Variants in RAD54L observed in about 807,000 individuals in gnomAD.
RAD54L encodes the protein RAD54 like, also known as DNA repair and recombination protein RAD54-like.
A neutral mutation model predicts 91.6 loss-of-function variants in RAD54L; 74 were observed. That is an observed-to-expected ratio of 0.81 (90% CI 0.67 to 0.98). The LOEUF (loss-of-function observed/expected upper bound fraction) is 0.98, where lower values mean the gene tolerates loss of function less well. Ranked by LOEUF, RAD54L falls within the 50% of genes least tolerant of loss-of-function variation. RAD54L has a pLI of 0.00. For synonymous variants in RAD54L, 304 were observed against 349.7 expected, an observed-to-expected ratio of 0.87 and a Z score of 1.46; for missense variants, 887 against 945.7, an observed-to-expected ratio of 0.94 and a Z score of 0.81.
chr1:46,251,513 G>A (rs928651469), intron 3 of RAD54L, among the ~76,000 whole-genome samples: 15 of 151,896 alleles, frequency 9.9e-5, no homozygotes, highest in African/African-American at 3.6e-4. Context: ...GATAGTTTTA[G>A]CATACATATA....
intron 3 of RAD54L, 140 bp downstream of exon 3, chr1:46,250,259 C>G: frequency 8.3e-7 from 1 of 1,199,904 alleles, no homozygotes; most frequent in Non-Finnish European, 1.2e-6. Context: ...GACCTGCCCA[C>G]AGCTGCTGGG....
Position 46,261,195 on chromosome 1 carries a change from G to GTTTTTT in RAD54L, c.767-63_767-58dup, listed in dbSNP as rs1277499745. On this transcript the variant is annotated intron_variant, in intron 7 of 17. Transcript: ENST00000371975. ...GGCTAAATTAAAGAACTGTCTAATT[G>GTTTTTT]TTTTTTTTGTTTTTTTTTTTTTCAA... is the stretch of plus-strand genomic sequence containing the variant. 3.2e-5 allele frequency: 50 copies of GTTTTTT among 1,555,024 alleles called. No homozygotes were observed. The South Asian group carries it at 4.1e-4, about 13-fold the overall frequency.
intron 3 of RAD54L, among the ~76,000 whole-genome samples, chr1:46,253,259 C>T (rs1659849506): frequency 6.6e-6 from 1 of 152,198 alleles, no homozygotes; most frequent in Non-Finnish European, 1.5e-5. Context: ...AGTGCTGAAA[C>T]TTGTTCACTG....
chr1:46,256,487 T>A lies in RAD54L; in HGVS notation c.211-2199T>A, dbSNP rs144279462. On this transcript the variant is annotated intron_variant, in intron 3 of 17. Coordinates refer to ENST00000371975, the MANE Select transcript of RAD54L (RefSeq NM_003579.4). ...TGGGCATAATGGCTCATGCCTATAA[T>A]CCCAGCACTTTGGGAGGCCAAGGTG... Among the ~76,000 whole-genome samples the A allele has an allele frequency of 8.0e-3, 1,215 of 152,230 alleles. 13 individuals are homozygous for A. Among genetic ancestry groups the A allele is most frequent in the South Asian group, 0.02 (95 of 4,826 alleles).
At chr1:46,251,402 C>T (rs1659795737) in intron 3 of RAD54L, among the ~76,000 whole-genome samples, 1 of 152,128 alleles carries the variant, frequency 6.6e-6, no homozygotes, top group Admixed American at 6.6e-5. Context: ...CACCCGTGAA[C>T]CCATCATCCA....
At chr1:46,256,309 G>C (rs1241019114) in intron 3 of RAD54L, among the ~76,000 whole-genome samples, 3 of 152,084 alleles carry the variant, frequency 2.0e-5, no homozygotes, top group African/African-American at 7.2e-5. Context: ...AAAATCCTGG[G>C]CTTAAGCGGT....
At chr1:46,264,256 T>C (rs1660207430) in intron 8 of RAD54L, among the ~76,000 whole-genome samples, 1 of 152,198 alleles carries the variant, frequency 6.6e-6, no homozygotes, top group Non-Finnish European at 1.5e-5. Flanking sequence ...CTGTCAGAGA[T>C]CTGAGGAACC....
In RAD54L at chr1:46,261,022, A is replaced by C; in HGVS notation, c.766+7A>C. On this transcript the variant is annotated splice_region_variant and intron_variant, in intron 7 of 17. Transcript: ENST00000371975. ...GAAATAGACCAAAAGCTGGGTACGG[A>C]GCCCTAACAAAGATGGCTGCACTCT... 1 of 1,612,204 alleles carries C rather than the reference A, an allele frequency of 6.2e-7. No homozygotes were observed. The highest frequency in any genetic ancestry group is 8.5e-7 in the Non-Finnish European group (1 of 1,179,620).
rs2148274422 is a variant in RAD54L, at chr1:46,248,532, C to T, written c.24C>T (p.Ser8=). 1 of 1,614,144 alleles carries T rather than the reference C, an allele frequency of 6.2e-7. No individual in the cohort carries two copies. The highest frequency in any genetic ancestry group is 8.5e-7 in the Non-Finnish European group (1 of 1,180,032). The part of the protein sequence containing the change: MRRSLAP[S]QLAKRKPEGR... ...TACAGAGGAGGAGCTTGGCTCCCAG[C>T]CAGCTGGCCAAGAGAAAACCTGAAG... Residue 8 remains serine, a synonymous_variant, in exon 2 of 18, where the codon AGC becomes AGT. Coordinates refer to ENST00000371975, the MANE Select transcript of RAD54L (RefSeq NM_003579.4).
chr1:46,278,214 G>A lies in RAD54L; in HGVS notation c.2176G>A (p.Ala726Thr), dbSNP rs1015113735. 1 of 1,613,934 alleles carries A rather than the reference G, an allele frequency of 6.2e-7. No individual in the cohort carries two copies. Among genetic ancestry groups the A allele is most frequent in the Non-Finnish European group, 8.5e-7 (1 of 1,179,982 alleles). Residue 726 changes from alanine (A) to threonine (T), a missense_variant, in exon 18 of 18, where the codon GCT becomes ACT. Physicochemically the swap from Ala to Thr is moderately conservative, Grantham distance 58 (BLOSUM62 0). Coordinates refer to ENST00000371975, the MANE Select transcript of RAD54L (RefSeq NM_003579.4). Reference protein sequence around the residue: ...RDEVLQAAWDAASTAITFVFH... With the variant: ...RDEVLQAAWDTASTAITFVFH... ...TGAGGTACTCCAGGCTGCCTGGGAT[G>A]CTGCCTCCACTGCCATCACCTTCGT...
chr1:46,260,932 A>G lies in RAD54L; in HGVS notation c.683A>G (p.Asn228Ser), dbSNP rs768255607. The change falls in exon 7 of 18, where the codon AAT (asparagine) becomes AGT (serine). Residue 228 changes from asparagine to serine, a missense_variant. Physicochemically the swap from Asn to Ser is conservative, Grantham distance 46 (BLOSUM62 1). Coordinates refer to ENST00000371975, the MANE Select transcript of RAD54L (RefSeq NM_003579.4). ...TCCAGCCTGGTGAAGAACTGGTACA[A>G]TGAGGTTGGGAAATGGCTCGGAGGG... ...SPSSLVKNWYNEVGKWLGGRI... is the reference protein window; with the variant it reads ...SPSSLVKNWYSEVGKWLGGRI... The G allele has an allele frequency of 2.9e-5, 47 of 1,614,204 alleles. No homozygotes were observed. The highest frequency in any genetic ancestry group is 6.7e-5 in the Admixed American group (4 of 60,024).
Position 46,248,617 on chromosome 1 carries a change from A to T in RAD54L, c.90+19A>T, listed in dbSNP as rs976973747. 1.2e-6 allele frequency: 2 copies of T among 1,611,064 alleles called. No homozygotes were observed. Among genetic ancestry groups the T allele is most frequent in the Non-Finnish European group, 1.7e-6 (2 of 1,177,522 alleles). ...CCTAGTGGTGAGCACTCAAGGGGAC[A>T]GGGAAGGTGGGTAGAGCTGTTTGGA... is the stretch of plus-strand genomic sequence containing the variant. On this transcript the variant is annotated intron_variant, in intron 2 of 17. Coordinates refer to ENST00000371975, the MANE Select transcript of RAD54L (RefSeq NM_003579.4).
chr1:46,277,713 C>T, intron 16 of RAD54L, 104 bp from the exon 17 acceptor site: 1 of 1,324,174 alleles, frequency 7.6e-7, no homozygotes, highest in Non-Finnish European at 1.1e-6. Flanking sequence ...TTCATCTCCT[C>T]TTCTCGGGTA....
At chr1:46,277,282 G>C (rs1034539008) in intron 16 of RAD54L, among the ~76,000 whole-genome samples, 1 of 152,136 alleles carries the variant, frequency 6.6e-6, no homozygotes, top group Non-Finnish European at 1.5e-5. Flanking sequence ...TCAAGATTGA[G>C]CTCAAGGATA....
chr1:46,266,465 C>T (rs918678733), intron 8 of RAD54L, among the ~76,000 whole-genome samples: 4 of 152,240 alleles, frequency 2.6e-5, no homozygotes, highest in African/African-American at 9.6e-5. Context: ...TGGGCCTAAT[C>T]TTGCCCATGT....
intron 10 of RAD54L, among the ~76,000 whole-genome samples, chr1:46,271,656 C>CA (rs922240287): frequency 3.3e-4 from 47 of 142,866 alleles, no homozygotes; most frequent in South Asian, 4.4e-4. Context: ...GACTCCGTCT[C>CA]AAAAAAAAAA....
chr1:46,277,215 T>G (rs1216033167), intron 16 of RAD54L, among the ~76,000 whole-genome samples: 1 of 152,236 alleles, frequency 6.6e-6, no homozygotes, highest in Non-Finnish European at 1.5e-5. Flanking sequence ...TATTCCTTTG[T>G]TCCTATGCTG....
chr1:46,254,018 AG>A (rs1659873827), intron 3 of RAD54L, among the ~76,000 whole-genome samples: 1 of 151,910 alleles, frequency 6.6e-6, no homozygotes, highest in South Asian at 2.1e-4. Flanking sequence ...TCTGTCGCTC[AG>A]AATGGAGTGC....
rs1474485479 is a variant in RAD54L at position 46,260,820 on chromosome 1, C to A, written c.571C>A (p.Leu191Met). 6.2e-7 allele frequency: 1 copy of A among 1,614,254 alleles called. No homozygotes were observed. Among genetic ancestry groups the A allele is most frequent in the Non-Finnish European group, 8.5e-7 (1 of 1,180,048 alleles). ...TGATGAGATGGGCCTAGGAAAGACG[C>A]TGCAGTGCATCACATTGATGTGGAC... Reference protein sequence around the residue: ...MADEMGLGKTLQCITLMWTLL... With the variant: ...MADEMGLGKTMQCITLMWTLL... The change falls in exon 7 of 18, where the codon CTG becomes ATG. Residue 191 changes from leucine (L) to methionine (M), a missense_variant. Coordinates refer to ENST00000371975, the MANE Select transcript of RAD54L (RefSeq NM_003579.4).
Sources: allele counts gnomAD v4.1 joint callset (sites outside exome capture counted in the v4.1 genomes callset), GRCh38; gene constraint gnomAD v4.1.1; transcripts MANE v1.5; gene names NCBI Gene and HGNC (gene_info 2026-07-23, HGNC 2026-07-21).